IGFL2: variants seen among roughly 807,000 people sequenced by gnomAD.
IGFL2 encodes IGF like family member 2.
Under a neutral mutation model 13.9 loss-of-function variants are expected in IGFL2, and 7 were observed. The observed-to-expected ratio is 0.51, with a 90% CI of 0.29 to 0.95. The LOEUF (loss-of-function observed/expected upper bound fraction) is 0.95, where lower values mean the gene tolerates loss of function less well. IGFL2 is among the 40% of genes least tolerant of loss of function. The probability of loss-of-function intolerance (pLI) is 0.08; values close to 1 mark genes in which losing one functional copy is unlikely to be tolerated. For missense variants in IGFL2, 138 were observed against 147.8 expected (o/e 0.93, Z 0.34); for synonymous variants, 55 against 55.8 (o/e 0.99, Z 0.07).
the IGFL2 span, among the ~76,000 whole-genome samples, chr19:46,199,515 A>G: frequency 6.6e-6 from 1 of 152,194 alleles, no homozygotes; most frequent in Non-Finnish European, 1.5e-5. Context: ...AGACAGGAGC[A>G]CTGGACTAGC....
chr19:46,194,303 C>G, the IGFL2 span, among the ~76,000 whole-genome samples: 1 of 152,170 alleles, frequency 6.6e-6, no homozygotes, highest in Non-Finnish European at 1.5e-5. Flanking sequence ...GGGCCTCTCT[C>G]TGCCTGGTAC....
At chr19:46,136,708 C>T in the IGFL2 span, 1 of 502,596 alleles carries the variant, frequency 2.0e-6, no homozygotes, top group Non-Finnish European at 3.9e-6. Context: ...CCCCAGAAAT[C>T]ATGACATTTC....
upstream of IGFL2, among the ~76,000 whole-genome samples, chr19:46,138,575 G>A (rs919991948): frequency 1.3e-5 from 2 of 152,174 alleles, no homozygotes; most frequent in Non-Finnish European, 2.9e-5. Flanking sequence ...GGCTGTGGGT[G>A]AGTGCTTGCT....
the IGFL2 span, chr19:46,198,573 T>G: frequency 6.6e-6 from 1 of 152,010 alleles, no homozygotes. Flanking sequence ...ATTTTTGGAG[T>G]TGGTGTTTCT....
chr19:46,184,211 T>G, the IGFL2 span, among the ~76,000 whole-genome samples: 1 of 152,194 alleles, frequency 6.6e-6, no homozygotes, highest in Non-Finnish European at 1.5e-5. Flanking sequence ...ACTTGGGTAG[T>G]TCAAAATTAT....
rs572348016 is a variant in IGFL2, at chr19:46,155,985, A to T, written c.20-4430A>T. Among the ~76,000 whole-genome samples, 1,198 of 152,064 alleles carry T rather than the reference A, an allele frequency of 7.9e-3. 8 individuals carry two copies. The highest frequency in any genetic ancestry group is 0.037 in the Middle Eastern group (11 of 294). On this transcript the variant is annotated intron_variant, in intron 1 of 3. Transcript: ENST00000377693. ...TCATTTTCATTTTCTGGTAATTTTT[A>T]AAAAAAATATGTATAGAGTCAGGGT... is the stretch of plus-strand genomic sequence containing the variant.
the IGFL2 span, among the ~76,000 whole-genome samples, chr19:46,178,963 T>C: frequency 6.6e-6 from 1 of 151,884 alleles, no homozygotes; most frequent in Non-Finnish European, 1.5e-5. Flanking sequence ...TCTTTAAATA[T>C]TTTACAGAGT....
At chr19:46,149,103 G>C (rs1176564614) in intron 1 of IGFL2, 8 of 1,269,378 alleles carry the variant, frequency 6.3e-6, no homozygotes, top group Non-Finnish European at 7.9e-6. Flanking sequence ...GATGAGCAAT[G>C]CCTGCTGTGT....
At chr19:46,119,138 C>CA in the IGFL2 span, among the ~76,000 whole-genome samples, 17 of 152,142 alleles carry the variant, frequency 1.1e-4, no homozygotes, top group Non-Finnish European at 2.2e-4. Context: ...ATGAGTTCCA[C>CA]ACCCTGCTGG....
chr19:46,212,737 C>CTCTCTCTCTCT, the IGFL2 span: 1 of 147,708 alleles, frequency 6.8e-6, no homozygotes, highest in African/African-American at 2.5e-5. Flanking sequence ...CTCTCTCTCT[C>CTCTCTCTCTCT]CTCTCACTGT....
chr19:46,147,313 G>A (rs2880187), upstream of IGFL2, among the ~76,000 whole-genome samples: 62,674 of 152,014 alleles, frequency 0.41, 15,336 homozygotes, highest in Non-Finnish European at 0.56. Flanking sequence ...ACAAACTATG[G>A]AAGGACAGAA....
chr19:46,154,788 A>G (rs1973722082), intron 1 of IGFL2, among the ~76,000 whole-genome samples: 1 of 151,744 alleles, frequency 6.6e-6, no homozygotes, highest in South Asian at 2.1e-4. Context: ...TGGAATTACC[A>G]CCCTCTTCTT....
the IGFL2 span, chr19:46,110,994 A>C: frequency 6.6e-6 from 1 of 151,770 alleles, no homozygotes; most frequent in Admixed American, 6.6e-5. Flanking sequence ...ATTATGTACA[A>C]TTTTTTTTAC....
chr19:46,157,953 T>A (rs1973912439), intron 1 of IGFL2, among the ~76,000 whole-genome samples: 2 of 152,126 alleles, frequency 1.3e-5, no homozygotes, highest in Non-Finnish European at 2.9e-5. Context: ...GAATGCAAGA[T>A]CAACATAGAA....
chr19:46,183,490 C>A, the IGFL2 span, among the ~76,000 whole-genome samples: 2 of 151,726 alleles, frequency 1.3e-5, no homozygotes, highest in Non-Finnish European at 2.9e-5. Context: ...CCTGATTCCT[C>A]TTCTGTCTCC....
At chr19:46,108,935 G>A in the IGFL2 span, among the ~76,000 whole-genome samples, 5 of 152,210 alleles carry the variant, frequency 3.3e-5, no homozygotes, top group African/African-American at 4.8e-5. Context: ...TGAAAAGACC[G>A]CTTACCTGAT....
At chr19:46,161,500 A>G (rs534737623), downstream of IGFL2, among the ~76,000 whole-genome samples, 10 of 152,174 alleles carry the variant, frequency 6.6e-5, no homozygotes, top group South Asian at 1.0e-3. Flanking sequence ...CTATTAATCT[A>G]TGTGCTTCTC....
chr19:46,210,948 TC>T, the IGFL2 span, among the ~76,000 whole-genome samples: 2 of 152,226 alleles, frequency 1.3e-5, no homozygotes, highest in Admixed American at 6.5e-5. Context: ...CTTCACACTT[TC>T]CTTCCCAGAG....
the IGFL2 span, among the ~76,000 whole-genome samples, chr19:46,098,605 A>G: frequency 3.2e-4 from 49 of 151,912 alleles, no homozygotes; most frequent in Non-Finnish European, 5.7e-4. Flanking sequence ...CAGCCTCCCA[A>G]GTAGCTGGGA....
Sources: gnomAD v4.1 joint callset for allele counts (sites outside exome capture counted in the v4.1 genomes callset) on GRCh38, gnomAD v4.1.1 for gene constraint, MANE v1.5 for transcripts, NCBI Gene and HGNC (gene_info 2026-07-23, HGNC 2026-07-21) for gene names.